The following KSR1 variants were observed in gnomAD, a reference collection of about 807,000 sequenced individuals.
KSR1 encodes the protein kinase suppressor of ras.
Under a neutral mutation model 92.9 loss-of-function variants are expected in KSR1, and 35 were observed. That is an observed-to-expected ratio of 0.38 (90% CI 0.29 to 0.50). The LOEUF (loss-of-function observed/expected upper bound fraction) is 0.50, where lower values mean the gene tolerates loss of function less well. KSR1 is among the 20% of genes least tolerant of loss of function. The pLI, the probability that KSR1 is intolerant of heterozygous loss-of-function variation, is 0.94. For synonymous variants in KSR1, 467 were observed against 472.6 expected (o/e 0.99, Z 0.15); for missense variants, 972 against 1,158.5 (o/e 0.84, Z 2.34).
intron 3 of KSR1, among the ~76,000 whole-genome samples, chr17:27,580,915 C>T (rs1474293759): frequency 3.9e-5 from 6 of 152,168 alleles, no homozygotes; most frequent in Non-Finnish European, 5.9e-5. Context: ...TACCAGTATG[C>T]ACCACCACAC....
rs2073737566 is a variant in KSR1, at chr17:27,605,918, A to G, written c.1994+105A>G. ...CTAGAGGGTGTGGAAGTTCTAATAG[A>G]GGCATAAAGAAGAAAACCAAAAATG... On this transcript the variant is annotated intron_variant, in intron 14 of 20. Transcript: ENST00000644974. The G allele has an allele frequency of 2.8e-6, 4 of 1,435,450 alleles. No individual in the cohort carries two copies. The Admixed American group carries it at 1.0e-4, about 37-fold the overall frequency. 88.9% of individuals were successfully genotyped at this position (1,435,450 alleles called of 1,614,324 possible).
intron 2 of KSR1, among the ~76,000 whole-genome samples, chr17:27,552,998 TA>T (rs2071451196): frequency 6.6e-6 from 1 of 152,216 alleles, no homozygotes; most frequent in Non-Finnish European, 1.5e-5. Context: ...ACCAGGGTCC[TA>T]GAGCCACAGA....
chr17:27,533,915 C>T (rs187130821), intron 1 of KSR1, among the ~76,000 whole-genome samples: 328 of 152,298 alleles, frequency 2.2e-3, no homozygotes, highest in Admixed American at 6.5e-3. Context: ...AGATGCATCC[C>T]CACCCTGTTC....
At chr17:27,611,940 T>G in intron 18 of KSR1, among the ~76,000 whole-genome samples, 1 of 152,176 alleles carries the variant, frequency 6.6e-6, no homozygotes, top group East Asian at 1.9e-4. Context: ...CCCATGTTAT[T>G]TACATGAAAG....
intron 2 of KSR1, among the ~76,000 whole-genome samples, chr17:27,560,139 C>G (rs1419732289): frequency 1.3e-5 from 2 of 152,306 alleles, no homozygotes; most frequent in Admixed American, 6.5e-5. Flanking sequence ...TGCCCCGCTC[C>G]CAGTCATTTG....
intron 1 of KSR1, among the ~76,000 whole-genome samples, chr17:27,525,991 A>ACTTTTCTTTTCTTTTTT (rs2070246516): frequency 1.4e-5 from 1 of 71,180 alleles, no homozygotes; most frequent in East Asian, 4.5e-4. Flanking sequence ...ACTGCAACTA[A>ACTTTTCTTTTCTTTTTT]CTTTTCTTTT....
chr17:27,474,647 A>C (rs141917611), intron 1 of KSR1, among the ~76,000 whole-genome samples: 84 of 152,342 alleles, frequency 5.5e-4, no homozygotes, highest in Middle Eastern at 3.4e-3. Flanking sequence ...TTATATTATA[A>C]TATTACTATT....
intron 18 of KSR1, among the ~76,000 whole-genome samples, chr17:27,611,892 G>A (rs1285232420): frequency 1.3e-5 from 2 of 151,628 alleles, no homozygotes; most frequent in Non-Finnish European, 2.9e-5. Context: ...TAAAGATAAT[G>A]GTTTTCATTG....
chr17:27,547,258 TATGGGTCTCATTTC>T (rs1364190912), intron 1 of KSR1, among the ~76,000 whole-genome samples: 1 of 152,234 alleles, frequency 6.6e-6, no homozygotes. Context: ...GTTTCATTAT[TATGGGTCTCATTTC>T]ATGCTCACAT....
At chr17:27,598,918 C>T (rs1357099154) in intron 10 of KSR1, among the ~76,000 whole-genome samples, 2 of 152,196 alleles carry the variant, frequency 1.3e-5, no homozygotes, top group Non-Finnish European at 2.9e-5. Context: ...GGCACGCCTC[C>T]TATCGTCCCC....
intron 2 of KSR1, among the ~76,000 whole-genome samples, chr17:27,567,757 C>T (rs1444537477): frequency 5.9e-5 from 9 of 152,238 alleles, no homozygotes; most frequent in Non-Finnish European, 1.0e-4. Flanking sequence ...GAAACTGGCT[C>T]GCCCTCCCGG....
At chr17:27,563,272 C>G (rs2071909825) in intron 2 of KSR1, among the ~76,000 whole-genome samples, 1 of 152,056 alleles carries the variant, frequency 6.6e-6, no homozygotes, top group Non-Finnish European at 1.5e-5. Flanking sequence ...TGTTTCCTTT[C>G]CTTTCCATTT....
chr17:27,542,704 C>T (rs1315347146), intron 1 of KSR1, among the ~76,000 whole-genome samples: 3 of 152,196 alleles, frequency 2.0e-5, no homozygotes, highest in East Asian at 1.9e-4. Context: ...TCCTCCTTTT[C>T]GAGGTCATTC....
At position 27,626,076 on chromosome 17, in the gene KSR1, CTG is replaced by C. The variant is rs946379671; in HGVS notation, c.*2688_*2689del. 10 of 152,182 alleles carry C rather than the reference CTG, an allele frequency of 6.6e-5. No homozygotes were observed. Among genetic ancestry groups the C allele is most frequent in the African/African-American group, 2.4e-4 (10 of 41,434 alleles). 9.4% of individuals were successfully genotyped at this position (152,182 alleles called of 1,614,324 possible). A position where few individuals can be genotyped will look rare whatever the true frequency, so the allele number is the denominator to read the frequency against. On this transcript the variant is annotated 3_prime_UTR_variant, in exon 21 of 21. Transcript: ENST00000644974. ...GAGAGGAATGGCAAGCCCTGGAAACCTGTGTTATTCTGTGTTGATTTGGTGTG... is the reference window on the plus strand; with the variant it reads ...GAGAGGAATGGCAAGCCCTGGAAACCTGTTATTCTGTGTTGATTTGGTGTG...
Position 27,609,259 on chromosome 17 carries a change from T to C in KSR1, c.2155T>C (p.Tyr719His), listed in dbSNP as rs1351083550. The C allele has an allele frequency of 6.2e-7, 1 of 1,614,016 alleles. No individual in the cohort carries two copies. Among genetic ancestry groups the C allele is most frequent in the Non-Finnish European group, 8.5e-7 (1 of 1,179,892 alleles). Residue 719 changes from tyrosine to histidine, a missense_variant, in exon 16 of 21, where the codon TAT becomes CAT. Tyr to His is a moderately conservative substitution (Grantham distance 83). Around this residue, in one of 5 missense-constraint regions of KSR1, gnomAD observed 260 missense variants for 375.2 expected, o/e 0.69. Transcript: ENST00000644974. ...HKDLKSKNVFYDNGKVVITDF... is the reference protein window; with the variant it reads ...HKDLKSKNVFHDNGKVVITDF... ...AGATCTCAAATCTAAGAACGTCTTC[T>C]ATGACAACGGCAAGGTGGTCATCAC...
At chr17:27,555,405 A>T (rs896425550) in intron 2 of KSR1, among the ~76,000 whole-genome samples, 1 of 152,176 alleles carries the variant, frequency 6.6e-6, no homozygotes, top group African/African-American at 2.4e-5. Context: ...ATCCAATACT[A>T]CATGATTTAT....
At chr17:27,501,158 T>TATTGCA (rs2069162231) in intron 1 of KSR1, among the ~76,000 whole-genome samples, 1 of 152,106 alleles carries the variant, frequency 6.6e-6, no homozygotes, top group Admixed American at 6.6e-5. Context: ...ATTTAATCCT[T>TATTGCA]ATTGCAGCCC....
chr17:27,468,239 T>A (rs1054088709), intron 1 of KSR1, among the ~76,000 whole-genome samples: 2 of 146,034 alleles, frequency 1.4e-5, no homozygotes, highest in Admixed American at 1.4e-4. Context: ...TGGCCAATTA[T>A]TTTTTTTTTT....
At chr17:27,470,110 C>T (rs1292613641) in intron 1 of KSR1, among the ~76,000 whole-genome samples, 1 of 150,412 alleles carries the variant, frequency 6.6e-6, no homozygotes, top group African/African-American at 2.5e-5. Flanking sequence ...GACTAGAGTG[C>T]AGTGGTGTGA....
Sources: gnomAD v4.1 joint callset for allele counts (sites outside exome capture counted in the v4.1 genomes callset) on GRCh38, gnomAD v4.1.1 for gene constraint, gnomAD v4.1.1 regional missense constraint, MANE v1.5 for transcripts, NCBI Gene and HGNC (gene_info 2026-07-23, HGNC 2026-07-21) for gene names.